SHISA9: variants seen among roughly 807,000 people sequenced by gnomAD.
SHISA9 encodes shisa family member 9, also known as protein shisa-9.
Under a neutral mutation model 38.0 loss-of-function variants are expected in SHISA9, and 13 were observed. That is an observed-to-expected ratio of 0.34 (90% CI 0.22 to 0.54). The LOEUF (loss-of-function observed/expected upper bound fraction) is 0.54. Ranked by LOEUF, SHISA9 falls within the 20% of genes least tolerant of loss-of-function variation. The pLI, the probability that SHISA9 is intolerant of heterozygous loss-of-function variation, is 0.91. For synonymous variants in SHISA9, 275 were observed against 242.0 expected (o/e 1.14, Z -1.27); for missense variants, 538 against 575.8 (o/e 0.93, Z 0.67).
the SHISA9 span, among the ~76,000 whole-genome samples, chr16:13,428,773 G>GTTTTTTTTTT: frequency 2.8e-5 from 4 of 145,330 alleles, 1 homozygote; most frequent in Non-Finnish European, 3.0e-5. Flanking sequence ...TTGTTTTATT[G>GTTTTTTTTTT]TTTTTTTTTT....
At chr16:13,460,478 T>C in the SHISA9 span, among the ~76,000 whole-genome samples, 1 of 152,288 alleles carries the variant, frequency 6.6e-6, no homozygotes, top group African/African-American at 2.4e-5. Context: ...TTGACAAATG[T>C]CCCACAGTTG....
intron 2 of SHISA9, among the ~76,000 whole-genome samples, chr16:13,121,822 T>C (rs1293857923): frequency 2.7e-5 from 3 of 112,092 alleles, no homozygotes; most frequent in East Asian, 5.2e-4. Context: ...ATTAAACACC[T>C]ATACACACAT....
chr16:13,057,061 G>A (rs574261408), intron 2 of SHISA9, among the ~76,000 whole-genome samples: 8 of 152,316 alleles, frequency 5.3e-5, no homozygotes, highest in African/African-American at 1.9e-4. Flanking sequence ...ATACAAACTG[G>A]AAGCTAAAGG....
intron 2 of SHISA9, among the ~76,000 whole-genome samples, chr16:13,034,141 C>T (rs1191421133): frequency 1.3e-5 from 1 of 79,322 alleles, no homozygotes; most frequent in East Asian, 2.5e-4. Flanking sequence ...ATGGAAACTC[C>T]ATCTCAAAAA....
chr16:13,338,660 C>G, the SHISA9 span, among the ~76,000 whole-genome samples: 1 of 152,114 alleles, frequency 6.6e-6, no homozygotes, highest in Non-Finnish European at 1.5e-5. Flanking sequence ...AAGGGTCTGC[C>G]TCCTGAGTGA....
chr16:13,449,793 A>C, the SHISA9 span, among the ~76,000 whole-genome samples: 2 of 152,112 alleles, frequency 1.3e-5, no homozygotes, highest in African/African-American at 2.4e-5. Context: ...TCTTCTGGGG[A>C]GAACCTCATT....
chr16:13,525,558 A>T, the SHISA9 span, among the ~76,000 whole-genome samples: 33 of 152,256 alleles, frequency 2.2e-4, no homozygotes, highest in African/African-American at 7.0e-4. Context: ...CCAAACTTTG[A>T]TCACCCTCAA....
At chr16:13,015,285 A>T (rs1171806535) in intron 2 of SHISA9, among the ~76,000 whole-genome samples, 1 of 152,270 alleles carries the variant, frequency 6.6e-6, no homozygotes, top group South Asian at 2.1e-4. Flanking sequence ...AGCCTAGAAT[A>T]TTAACTATCT....
the SHISA9 span, among the ~76,000 whole-genome samples, chr16:13,483,949 G>A: frequency 1.4e-4 from 21 of 152,258 alleles, no homozygotes; most frequent in East Asian, 4.1e-3. Flanking sequence ...CAGTAAATTA[G>A]TTAGATTCAA....
chr16:13,357,581 C>T, the SHISA9 span, among the ~76,000 whole-genome samples: 3 of 152,112 alleles, frequency 2.0e-5, no homozygotes, highest in Non-Finnish European at 2.9e-5. Context: ...AAATTTCATG[C>T]GCGTCCGTGT....
the SHISA9 span, chr16:13,258,218 A>G: frequency 6.6e-6 from 1 of 152,218 alleles, no homozygotes; most frequent in Admixed American, 6.5e-5. Context: ...CTGAATAAAT[A>G]AATTTTCTGG....
At chr16:12,922,551 G>A (rs368513276) in intron 2 of SHISA9, among the ~76,000 whole-genome samples, 7 of 152,278 alleles carry the variant, frequency 4.6e-5, no homozygotes, top group South Asian at 2.1e-4. Context: ...ATGGAGTCTC[G>A]CTCTGTTACC....
At chr16:13,227,404 G>A (rs1474880734) in intron 4 of SHISA9, among the ~76,000 whole-genome samples, 1 of 152,210 alleles carries the variant, frequency 6.6e-6, no homozygotes, top group Non-Finnish European at 1.5e-5. Context: ...CAGTTGTGCT[G>A]CAAGAGAAGA....
At chr16:13,252,167 C>G in the SHISA9 span, among the ~76,000 whole-genome samples, 1 of 152,190 alleles carries the variant, frequency 6.6e-6, no homozygotes, top group African/African-American at 2.4e-5. Flanking sequence ...TGCCTCTCTG[C>G]CTTCCTGTTG....
At chr16:13,345,030 T>A in the SHISA9 span, among the ~76,000 whole-genome samples, 3 of 152,192 alleles carry the variant, frequency 2.0e-5, no homozygotes, top group Non-Finnish European at 4.4e-5. Context: ...AGTAATTTCA[T>A]AATTTTTGAA....
intron 2 of SHISA9, among the ~76,000 whole-genome samples, chr16:13,181,312 T>TATATACATAC (rs1555468744): frequency 2.9e-5 from 1 of 34,104 alleles, no homozygotes; most frequent in Non-Finnish European, 5.4e-5. Context: ...TATATATATA[T>TATATACATAC]ACACACACAC....
At chr16:12,945,369 G>A (rs1419161441) in intron 2 of SHISA9, among the ~76,000 whole-genome samples, 1 of 152,038 alleles carries the variant, frequency 6.6e-6, no homozygotes, top group African/African-American at 2.4e-5. Context: ...CATGATGAAT[G>A]GGAATGGATA....
At chr16:13,269,536 G>A in the SHISA9 span, among the ~76,000 whole-genome samples, 1 of 152,170 alleles carries the variant, frequency 6.6e-6, no homozygotes, top group African/African-American at 2.4e-5. Flanking sequence ...CCTCTGCCAA[G>A]CAGGCTCTTC....
At chr16:13,127,247 G>A (rs191698091) in intron 2 of SHISA9, among the ~76,000 whole-genome samples, 1 of 138,754 alleles carries the variant, frequency 7.2e-6, no homozygotes, top group Non-Finnish European at 1.6e-5. Context: ...ATGAGTGAGG[G>A]AGAGAGAGGG....
Sources: gnomAD v4.1 joint callset for allele counts (sites outside exome capture counted in the v4.1 genomes callset) on GRCh38, gnomAD v4.1.1 for gene constraint, MANE v1.5 for transcripts, NCBI Gene and HGNC (gene_info 2026-07-23, HGNC 2026-07-21) for gene names.